The following XRCC6 variants were observed in gnomAD, a reference collection of about 807,000 sequenced individuals.
The protein encoded by XRCC6 is DNA repair protein Ku70.
A neutral mutation model predicts 65.7 loss-of-function variants in XRCC6; 5 were observed. The ratio of observed to expected loss-of-function variants is 0.08; its 90% CI spans 0.04 to 0.16. The LOEUF is 0.16. Ranked by LOEUF, XRCC6 falls within the 10% of genes least tolerant of loss-of-function variation. The pLI is 1.00. For synonymous variants in XRCC6, 270 were observed against 270.6 expected (o/e 1.00, Z 0.02); for missense variants, 447 against 738.1 (o/e 0.61, Z 4.57).
intron 6 of XRCC6, among the ~76,000 whole-genome samples, chr22:41,640,295 C>A (rs1371866514): frequency 6.6e-6 from 1 of 152,068 alleles, no homozygotes; most frequent in Non-Finnish European, 1.5e-5. Flanking sequence ...ACTACAGGCA[C>A]CCGCCACCAC....
chr22:41,663,704 G>A lies in XRCC6; in HGVS notation c.1719G>A (p.Leu573=), dbSNP rs2068121532. 1 of 1,613,858 alleles carries A rather than the reference G, an allele frequency of 6.2e-7. No individual in the cohort carries two copies. Among genetic ancestry groups the A allele is most frequent in the Admixed American group, 1.7e-5 (1 of 59,988 alleles). The stretch of plus-strand genomic sequence containing the variant: ...AGACCCACATCAGCAAGGGTACGCT[G>A]GGCAAGTTCACTGTGCCCATGCTGA... ...ELKTHISKGT[L]GKFTVPMLKE... Residue 573 remains leucine, a synonymous_variant, in exon 13 of 13, where the codon CTG becomes CTA. Transcript: ENST00000360079.
chr22:41,621,918 C>A, intron 1 of XRCC6, 72 bp from the exon 2 acceptor site: 1 of 1,446,928 alleles, frequency 6.9e-7, no homozygotes, highest in South Asian at 1.2e-5. Flanking sequence ...GAACAGATCT[C>A]ACAAGAACCT....
chr22:41,660,956 C>T (rs527707395), intron 11 of XRCC6, among the ~76,000 whole-genome samples: 93 of 151,910 alleles, frequency 6.1e-4, no homozygotes, highest in Non-Finnish European at 9.9e-4. Context: ...ATCGCTTGAA[C>T]CAGGGAGTCG....
rs879279539 is a variant in XRCC6 at position 41,646,303 on chromosome 22, GA to G, written c.774-582del. ...AACCAATAGTGTGAGACTCTGTCTCGAAAAAAAAAAAGCAGAGACAAGACAA... is the reference window on the plus strand; with the variant it reads ...AACCAATAGTGTGAGACTCTGTCTCGAAAAAAAAAAGCAGAGACAAGACAA... On this transcript the variant is annotated intron_variant, in intron 6 of 12. Coordinates refer to ENST00000360079, the MANE Select transcript of XRCC6 (RefSeq NM_001469.5). Among the ~76,000 whole-genome samples, 72 of 142,180 alleles carry G rather than the reference GA, an allele frequency of 5.1e-4. No individual in the cohort carries two copies. In the Middle Eastern group the frequency reaches 0.014, roughly 28 times the overall value. The allele number at this position is 142,180 out of a possible 152,430, so 93.3% of individuals were successfully genotyped here. A position where few individuals can be genotyped will look rare whatever the true frequency, so the allele number is the denominator to read the frequency against.
At chr22:41,653,837 G>A in intron 9 of XRCC6, 147 bp downstream of exon 9, 1 of 1,057,646 alleles carries the variant, frequency 9.5e-7, no homozygotes. Context: ...GGTGAATTTA[G>A]TGCACAGCCA....
At position 41,648,019 on chromosome 22, in the gene XRCC6, TCCCTCCCCTCCCCTCCCCTC is replaced by T. The variant is rs1172910245; in HGVS notation, c.960+959_960+978del. The T allele has an allele frequency of 4.1e-4, 17 of 41,096 alleles. 1 individual carries two copies. Among genetic ancestry groups the T allele is most frequent in the East Asian group, 9.6e-4 (1 of 1,040 alleles). The allele number at this position is 41,096 out of a possible 1,614,324, so 2.5% of individuals were successfully genotyped here. A position where few individuals can be genotyped will look rare whatever the true frequency, so the allele number is the denominator to read the frequency against. On this transcript the variant is annotated intron_variant, in intron 7 of 12. Transcript: ENST00000360079. ...TCCTTTTCTTTTTTCTCTCTCCGACTCCCTCCCCTCCCCTCCCCTCCCCTCCCCTCCCCTCCCCTCCTCTC... is the reference window on the plus strand; with the variant it reads ...TCCTTTTCTTTTTTCTCTCTCCGACTCCCTCCCCTCCCCTCCCCTCCTCTC...
chr22:41,630,430 C>A (rs574893851), intron 3 of XRCC6, among the ~76,000 whole-genome samples: 1 of 151,880 alleles, frequency 6.6e-6, no homozygotes, highest in African/African-American at 2.4e-5. Flanking sequence ...GTATTAAATA[C>A]CTCTTAATTG....
At chr22:41,658,453 C>A (rs1441142934) in intron 11 of XRCC6, 101 bp downstream of exon 11, 1 of 1,075,602 alleles carries the variant, frequency 9.3e-7, no homozygotes, top group African/African-American at 1.6e-5. Flanking sequence ...TCTCTAAACA[C>A]TTAACCTCAT....
At chr22:41,628,965 CAAAAAAAA>C (rs11413169) in intron 3 of XRCC6, among the ~76,000 whole-genome samples, 3 of 62,722 alleles carry the variant, frequency 4.8e-5, no homozygotes, top group Non-Finnish European at 8.0e-5. Flanking sequence ...GACTCTGTCT[CAAAAAAAA>C]AAAAAAAAAA....
intron 8 of XRCC6, among the ~76,000 whole-genome samples, chr22:41,652,479 C>T (rs1016517469): frequency 2.0e-5 from 3 of 151,848 alleles, no homozygotes; most frequent in Non-Finnish European, 4.4e-5. Flanking sequence ...GATTTCCCAC[C>T]TCACCCTCTC....
chr22:41,657,121 A>G (rs1169912940), intron 10 of XRCC6, 89 bp downstream of exon 10: 4 of 1,432,892 alleles, frequency 2.8e-6, no homozygotes, highest in Non-Finnish European at 3.7e-6. Flanking sequence ...GAATGGCACT[A>G]CTCTTTTCAG....
intron 6 of XRCC6, among the ~76,000 whole-genome samples, chr22:41,638,620 A>G (rs541949864): frequency 6.6e-6 from 1 of 151,950 alleles, no homozygotes; most frequent in Non-Finnish European, 1.5e-5. Context: ...CTTGTTCTCT[A>G]CTAAAGATAC....
intron 9 of XRCC6, among the ~76,000 whole-genome samples, chr22:41,654,212 G>C (rs187373719): frequency 1.3e-5 from 2 of 152,278 alleles, no homozygotes; most frequent in African/African-American, 2.4e-5. Context: ...ACGTGGGCAA[G>C]TAATTTAACC....
At chr22:41,629,344 G>A (rs1196709526) in intron 3 of XRCC6, among the ~76,000 whole-genome samples, 1 of 152,124 alleles carries the variant, frequency 6.6e-6, no homozygotes, top group Non-Finnish European at 1.5e-5. Flanking sequence ...CTAAACAGTG[G>A]CATATAGATA....
chr22:41,660,565 A>G (rs2068090092), intron 11 of XRCC6, among the ~76,000 whole-genome samples: 1 of 152,000 alleles, frequency 6.6e-6, no homozygotes, highest in African/African-American at 2.4e-5. Flanking sequence ...CAGGCATCCC[A>G]GCTTCCATGA....
intron 3 of XRCC6, 136 bp from the exon 4 acceptor site, chr22:41,635,976 CT>C (rs753621353): frequency 4.4e-6 from 3 of 674,706 alleles, no homozygotes; most frequent in Non-Finnish European, 7.0e-6. Flanking sequence ...TTCATTACCC[CT>C]GAAGGTAGGG....
chr22:41,657,879 C>T lies in XRCC6; in HGVS notation c.1422-373C>T, dbSNP rs891506377. Among the ~76,000 whole-genome samples, 7 of 151,644 alleles carry T rather than the reference C, an allele frequency of 4.6e-5. No individual in the cohort carries two copies. In the East Asian group the frequency reaches 7.8e-4, roughly 17 times the overall value. ...TGCTCTGCCATCCAGGCTGGAGTAC[C>T]GTGGCACGATCATGGCTCACTGCAG... On this transcript the variant is annotated intron_variant, in intron 10 of 12. Coordinates refer to ENST00000360079, the MANE Select transcript of XRCC6 (RefSeq NM_001469.5).
intron 11 of XRCC6, among the ~76,000 whole-genome samples, chr22:41,658,962 T>C (rs1346932262): frequency 6.6e-6 from 1 of 152,024 alleles, no homozygotes; most frequent in African/African-American, 2.4e-5. Flanking sequence ...AATCAATAAA[T>C]AATTTAAGAG....
intron 7 of XRCC6, among the ~76,000 whole-genome samples, chr22:41,647,525 G>A (rs1341197623): frequency 6.7e-6 from 1 of 150,260 alleles, no homozygotes; most frequent in Non-Finnish European, 1.5e-5. Flanking sequence ...AGGTTGCGGT[G>A]AGCCGAGATC....
Sources: allele counts gnomAD v4.1 joint callset (sites outside exome capture counted in the v4.1 genomes callset), GRCh38; gene constraint gnomAD v4.1.1; transcripts MANE v1.5; gene names NCBI Gene and HGNC (gene_info 2026-07-23, HGNC 2026-07-21).